ITGA11: variants seen among roughly 807,000 people sequenced by gnomAD.
ITGA11 encodes the protein integrin subunit alpha 11, also known as integrin alpha-11.
ITGA11 carries 97 observed loss-of-function variants against 141.9 expected under a neutral mutation model. The ratio of observed to expected loss-of-function variants is 0.68; its 90% CI spans 0.58 to 0.81. The LOEUF (loss-of-function observed/expected upper bound fraction) is 0.81, where lower values mean the gene tolerates loss of function less well. Ranked by LOEUF, ITGA11 falls within the 30% of genes least tolerant of loss-of-function variation. The pLI is 0.00. For missense variants in ITGA11, 1,387 were observed against 1,559.2 expected, an observed-to-expected ratio of 0.89 and a Z score of 1.86; for synonymous variants, 658 against 624.6, an observed-to-expected ratio of 1.05 and a Z score of -0.80.
chr15:68,316,414 C>T (rs1210944868), intron 21 of ITGA11, among the ~76,000 whole-genome samples: 1 of 152,244 alleles, frequency 6.6e-6, no homozygotes, highest in Non-Finnish European at 1.5e-5. Flanking sequence ...CCTGGTCTCA[C>T]CCTCACGAGG....
intron 10 of ITGA11, among the ~76,000 whole-genome samples, chr15:68,342,682 G>A (rs1457686946): frequency 6.6e-6 from 1 of 152,246 alleles, no homozygotes; most frequent in Non-Finnish European, 1.5e-5. Flanking sequence ...CCCCGGCAGT[G>A]AAGGCAGCAT....
chr15:68,332,480 T>A lies in ITGA11; in HGVS notation c.1426-2A>T. On this transcript the variant is annotated splice_acceptor_variant, in intron 12 of 29. Transcript: ENST00000315757. LOFTEE classifies it high-confidence loss of function. ...TTCACTCCCAAAGTAAGAGCCTATC[T>A]GCGGCACGTGATGGGAGAGAGGAGT... 5.0e-6 allele frequency: 8 copies of A among 1,612,120 alleles called. No individual in the cohort carries two copies. Among genetic ancestry groups the A allele is most frequent in the Non-Finnish European group, 6.8e-6 (8 of 1,179,264 alleles).
At chr15:68,410,729 G>A (rs1896754355) in intron 1 of ITGA11, among the ~76,000 whole-genome samples, 1 of 152,160 alleles carries the variant, frequency 6.6e-6, no homozygotes, top group African/African-American at 2.4e-5. Context: ...TGCTAGATTT[G>A]GGAGCATTGC....
chr15:68,403,267 G>A (rs1181094993), intron 1 of ITGA11, among the ~76,000 whole-genome samples: 1 of 152,174 alleles, frequency 6.6e-6, no homozygotes, highest in African/African-American at 2.4e-5. Context: ...GCCTGATATG[G>A]TTTCAATGTG....
intron 6 of ITGA11, among the ~76,000 whole-genome samples, chr15:68,357,813 C>G (rs1038788984): frequency 6.6e-6 from 1 of 152,192 alleles, no homozygotes; most frequent in Non-Finnish European, 1.5e-5. Context: ...GAGGAGCCCA[C>G]AGGGTTTATT....
At chr15:68,409,876 G>A (rs995540985) in intron 1 of ITGA11, among the ~76,000 whole-genome samples, 7 of 152,160 alleles carry the variant, frequency 4.6e-5, no homozygotes, top group African/African-American at 1.2e-4. Flanking sequence ...GAGGCCTCAC[G>A]GGTCCCGTGC....
rs1346197288 is a variant in ITGA11 at position 68,333,151 on chromosome 15, G to T, written c.1426-673C>A. ...GTTTTGCTCCATCACCCAGACTGGA[G>T]TGCAATGGTGCAATCTTGGCTCACT... On this transcript the variant is annotated intron_variant, in intron 12 of 29. Coordinates refer to ENST00000315757, the MANE Select transcript of ITGA11 (RefSeq NM_001004439.2). The surrounding 1 kb of genome is among the most constrained non-coding windows in gnomAD (Gnocchi z 4.2). 6.6e-6 allele frequency among the ~76,000 whole-genome samples: 1 copy of T among 151,696 alleles called. No individual in the cohort carries two copies. The highest frequency in any genetic ancestry group is 1.5e-5 in the Non-Finnish European group (1 of 67,978).
In ITGA11 at chr15:68,313,818, C is replaced by G; in HGVS notation, c.2843G>C (p.Arg948Pro). Residue 948 changes from arginine to proline, a missense_variant, in exon 23 of 30, where the codon CGC becomes CCC. Transcript: ENST00000315757. ...STKEDNVAPL[R>P]FHLKYEADVL... The stretch of plus-strand genomic sequence containing the variant: ...GTCAGCCTCGTATTTGAGGTGGAAG[C>G]GTAAGGGGGCCACGTTGTCTTCCTT... 2 of 1,613,992 alleles carry G rather than the reference C, an allele frequency of 1.2e-6. No individual in the cohort carries two copies. The highest frequency in any genetic ancestry group is 1.7e-6 in the Non-Finnish European group (2 of 1,179,882).
At chr15:68,431,911 C>G in intron 1 of ITGA11, 104 bp downstream of exon 1, 1 of 788,004 alleles carries the variant, frequency 1.3e-6, no homozygotes, top group Non-Finnish European at 1.8e-6. Flanking sequence ...TGAGGTCTGA[C>G]CCTGGGAGGA....
Position 68,325,304 on chromosome 15 carries a change from C to A in ITGA11, c.2212-63G>T, listed in dbSNP as rs755035633. On this transcript the variant is annotated intron_variant, in intron 17 of 29. Coordinates refer to ENST00000315757, the MANE Select transcript of ITGA11 (RefSeq NM_001004439.2). The surrounding 1 kb of genome is among the most constrained non-coding windows in gnomAD (Gnocchi z 5.5). The stretch of plus-strand genomic sequence containing the variant: ...AGAACGTCATTTTATGAGCCAGGAC[C>A]GTGGATGCTGAGATAGAACTTCCAC... The A allele has an allele frequency of 1.8e-6, 2 of 1,131,612 alleles. No individual in the cohort carries two copies. Among genetic ancestry groups the A allele is most frequent in the Non-Finnish European group, 2.7e-6 (2 of 744,672 alleles). 70.1% of individuals were successfully genotyped at this position (1,131,612 alleles called of 1,614,324 possible). A position where few individuals can be genotyped will look rare whatever the true frequency, so the allele number is the denominator to read the frequency against.
At chr15:68,312,992 G>A (rs1023969470) in intron 23 of ITGA11, 129 bp from the exon 24 acceptor site, 15 of 638,342 alleles carry the variant, frequency 2.3e-5, no homozygotes, top group African/African-American at 9.0e-5. Context: ...CGCTTGTGTC[G>A]GCTGGGAGTG....
At chr15:68,390,669 C>G (rs1335600314) in intron 2 of ITGA11, among the ~76,000 whole-genome samples, 1 of 152,216 alleles carries the variant, frequency 6.6e-6, no homozygotes, top group Non-Finnish European at 1.5e-5. Context: ...GCCTCTCAAT[C>G]AAGTCAGCAG....
chr15:68,364,878 C>A, intron 3 of ITGA11, 80 bp from the exon 4 acceptor site: 4 of 1,358,724 alleles, frequency 2.9e-6, no homozygotes, highest in Admixed American at 3.6e-5. Context: ...TCTGGTCACC[C>A]GAGGTGCCTC....
Position 68,303,330 on chromosome 15 carries a change from A to AAGTC in ITGA11, c.3496-204_3496-201dup, listed in dbSNP as rs1893089421. Reference sequence around the variant, plus strand: ...GATGAGACCATGGGCTGCATGCAAGAAGTCATACTAGTGCCCATCTTGCTG... The same window carrying AAGTC: ...GATGAGACCATGGGCTGCATGCAAGAAGTCAGTCATACTAGTGCCCATCTTGCTG... On this transcript the variant is annotated intron_variant, in intron 29 of 29. Transcript: ENST00000315757. The surrounding 1 kb of genome is among the most constrained non-coding windows in gnomAD (Gnocchi z 5.3). Among the ~76,000 whole-genome samples the AAGTC allele has an allele frequency of 6.6e-6, 1 of 152,094 alleles. No individual in the cohort carries two copies. Among genetic ancestry groups the AAGTC allele is most frequent in the Non-Finnish European group, 1.5e-5 (1 of 68,016 alleles).
intron 5 of ITGA11, among the ~76,000 whole-genome samples, chr15:68,360,869 CTTG>C (rs1250573469): frequency 6.6e-6 from 1 of 152,168 alleles, no homozygotes; most frequent in Non-Finnish European, 1.5e-5. Context: ...CTGACTCGGC[CTTG>C]TTGTCTGGAG....
intron 2 of ITGA11, among the ~76,000 whole-genome samples, chr15:68,401,154 G>A (rs1896499502): frequency 6.6e-6 from 1 of 150,862 alleles, no homozygotes; most frequent in African/African-American, 2.4e-5. Context: ...AACCCACCAT[G>A]AGATACCACC....
intron 5 of ITGA11, among the ~76,000 whole-genome samples, chr15:68,361,350 T>C (rs941420340): frequency 3.3e-5 from 5 of 152,152 alleles, no homozygotes; most frequent in Non-Finnish European, 7.4e-5. Flanking sequence ...GCTGGGATTG[T>C]CTTTGAAACC....
chr15:68,361,468 T>C (rs1384747545), intron 5 of ITGA11, 122 bp downstream of exon 5: 15 of 650,130 alleles, frequency 2.3e-5, no homozygotes, highest in Non-Finnish European at 3.9e-5. Context: ...TCCGGAGAGC[T>C]GGGGCAGGAC....
At position 68,345,147 on chromosome 15, in the gene ITGA11, TC is replaced by T. The variant is rs897597058; in HGVS notation, c.1131+3682del. ...CCAGCTTGACAGGTAGTTCACTACC[TC>T]AGCAGACAGCCAGCACTAATGGAAG... On this transcript the variant is annotated intron_variant, in intron 10 of 29. Coordinates refer to ENST00000315757, the MANE Select transcript of ITGA11 (RefSeq NM_001004439.2). Among the ~76,000 whole-genome samples the T allele has an allele frequency of 1.3e-4, 20 of 152,220 alleles. 1 individual carries two copies. The highest frequency in any genetic ancestry group is 3.9e-4 in the Admixed American group (6 of 15,286).
Sources: gnomAD v4.1 joint callset for allele counts (sites outside exome capture counted in the v4.1 genomes callset) on GRCh38, gnomAD v4.1.1 for gene constraint, Gnocchi (gnomAD v3.1) non-coding constraint, MANE v1.5 for transcripts, NCBI Gene and HGNC (gene_info 2026-07-23, HGNC 2026-07-21) for gene names.